Variants in DCBLD1 observed in about 807,000 individuals in gnomAD.
DCBLD1 encodes discoidin, CUB and LCCL domain-containing protein 1.
DCBLD1 carries 57 observed loss-of-function variants against 71.5 expected under a neutral mutation model. That is an observed-to-expected ratio of 0.80 (90% confidence interval 0.64 to 0.99). The LOEUF (loss-of-function observed/expected upper bound fraction) is 0.99. Among genes scored for constraint, DCBLD1 ranks in the 50% least tolerant of loss-of-function variants. DCBLD1 has a pLI of 0.00. For missense variants in DCBLD1, 891 were observed against 923.5 expected (o/e 0.96, Z 0.46); for synonymous variants, 380 against 363.8 (o/e 1.04, Z -0.51).
intron 1 of DCBLD1, among the ~76,000 whole-genome samples, chr6:117,484,607 C>T (rs1777020682): frequency 6.6e-6 from 1 of 152,150 alleles, no homozygotes; most frequent in South Asian, 2.1e-4. Flanking sequence ...CCCCGGCCTC[C>T]CAAGGTGCTG....
intron 11 of DCBLD1, among the ~76,000 whole-genome samples, chr6:117,541,501 C>G (rs945947877): frequency 1.3e-5 from 2 of 151,858 alleles, no homozygotes; most frequent in African/African-American, 4.8e-5. Flanking sequence ...CATAATGCGG[C>G]TTTCTGTGAA....
chr6:117,492,163 A>G (rs1041968948), intron 1 of DCBLD1, among the ~76,000 whole-genome samples: 15 of 152,248 alleles, frequency 9.9e-5, no homozygotes, highest in African/African-American at 3.4e-4. Context: ...TTCCCTGTCA[A>G]CAATTCACTG....
chr6:117,510,955 A>G (rs1187773385), intron 2 of DCBLD1, among the ~76,000 whole-genome samples: 1 of 152,188 alleles, frequency 6.6e-6, no homozygotes, highest in Admixed American at 6.5e-5. Context: ...GCCCTGTGAG[A>G]TAGGTCCTGT....
chr6:117,551,548 T>C (rs1779428281), downstream of DCBLD1, among the ~76,000 whole-genome samples: 1 of 151,930 alleles, frequency 6.6e-6, no homozygotes, highest in Non-Finnish European at 1.5e-5. Context: ...CCCAGCTAAT[T>C]TTTTGTATTT....
At chr6:117,532,101 G>A (rs210650) in intron 5 of DCBLD1, among the ~76,000 whole-genome samples, 159 bp from the exon 6 acceptor site, 2 of 152,226 alleles carry the variant, frequency 1.3e-5, no homozygotes, top group African/African-American at 4.8e-5. Context: ...ACATGGTCCA[G>A]AGTCAGTGAG....
chr6:117,512,730 A>G (rs1019009839), intron 2 of DCBLD1, among the ~76,000 whole-genome samples: 4 of 152,140 alleles, frequency 2.6e-5, no homozygotes, highest in Admixed American at 1.3e-4. Context: ...ATAAGAAAGA[A>G]TTGTGTGCTT....
chr6:117,506,029 C>T (rs372777317), intron 2 of DCBLD1, among the ~76,000 whole-genome samples: 6 of 152,008 alleles, frequency 3.9e-5, no homozygotes, highest in African/African-American at 9.7e-5. Context: ...ATAAATTGAA[C>T]GTTTGTCTTT....
intron 12 of DCBLD1, 158 bp from the exon 13 acceptor site, chr6:117,544,370 A>T: frequency 1.9e-6 from 1 of 538,634 alleles, no homozygotes; most frequent in Non-Finnish European, 3.1e-6. Context: ...AATTCTACAT[A>T]TTTGTATGAT....
chr6:117,482,899 T>G lies in DCBLD1; in HGVS notation c.112+6T>G. The G allele has an allele frequency of 1.7e-6, 2 of 1,192,388 alleles. No homozygotes were observed. Among genetic ancestry groups the G allele is most frequent in the Non-Finnish European group, 2.1e-6 (2 of 960,534 alleles). The allele number at this position is 1,192,388 out of a possible 1,614,324, so 73.9% of individuals were successfully genotyped here. A position where few individuals can be genotyped will look rare whatever the true frequency, so the allele number is the denominator to read the frequency against. On this transcript the variant is annotated splice_donor_region_variant and intron_variant, in intron 1 of 14. Transcript: ENST00000338728. ...GCTGCAGGCGGAGGAGCTGGGTGAG[T>G]GGAGCGCGTCCGGCTGGCGGCGGGA...
chr6:117,527,804 A>G (rs934505372), intron 5 of DCBLD1, among the ~76,000 whole-genome samples: 1 of 151,734 alleles, frequency 6.6e-6, no homozygotes, highest in Non-Finnish European at 1.5e-5. Flanking sequence ...TGAGGGGGGA[A>G]CTTTAAAGTC....
At position 117,563,273 on chromosome 6, in the gene DCBLD1, T is replaced by C. The variant is rs1164712135; in HGVS notation, c.1616-6347T>C. 2 of 1,613,278 alleles carry C rather than the reference T, an allele frequency of 1.2e-6. No homozygotes were observed. The highest frequency in any genetic ancestry group is 8.5e-7 in the Non-Finnish European group (1 of 1,179,334). ...GTCAATTTAATAAGATTTTTTATGA[T>C]ACAGAGTGTGCAGATCATCTAATTT... On this transcript the variant is annotated intron_variant, in intron 14 of 14. Transcript: ENST00000296955.
chr6:117,521,781 T>G (rs1022508512), intron 4 of DCBLD1, among the ~76,000 whole-genome samples: 2 of 152,226 alleles, frequency 1.3e-5, no homozygotes, highest in Non-Finnish European at 2.9e-5. Flanking sequence ...ATTTCAGGTT[T>G]TCCAGGCCAT....
At chr6:117,512,871 T>C (rs2114462096) in intron 2 of DCBLD1, among the ~76,000 whole-genome samples, 1 of 152,216 alleles carries the variant, frequency 6.6e-6, no homozygotes, top group East Asian at 1.9e-4. Flanking sequence ...ACTGACAGTA[T>C]GGTAGTTAAA....
At chr6:117,483,523 T>C (rs1383964422) in intron 1 of DCBLD1, among the ~76,000 whole-genome samples, 1 of 152,176 alleles carries the variant, frequency 6.6e-6, no homozygotes, top group Non-Finnish European at 1.5e-5. Context: ...GCTTCCTGTG[T>C]ATTTGAGCCG....
intron 14 of DCBLD1, chr6:117,569,444 A>C: frequency 7.9e-7 from 1 of 1,263,758 alleles, no homozygotes. Flanking sequence ...AAAAGCATTA[A>C]ATCAAAGGAA....
At chr6:117,510,433 C>A (rs747456984) in intron 2 of DCBLD1, among the ~76,000 whole-genome samples, 5 of 152,008 alleles carry the variant, frequency 3.3e-5, no homozygotes, top group Non-Finnish European at 7.4e-5. Flanking sequence ...ACCCTAGAAC[C>A]TTCTCTGATG....
intron 1 of DCBLD1, among the ~76,000 whole-genome samples, chr6:117,488,150 G>A (rs1478034612): frequency 6.6e-6 from 1 of 152,180 alleles, no homozygotes; most frequent in East Asian, 1.9e-4. Context: ...ATGAATCTCA[G>A]CCTCTTCTTT....
chr6:117,547,684 G>C (rs768746759), intron 14 of DCBLD1: 8 of 919,870 alleles, frequency 8.7e-6, no homozygotes, highest in Non-Finnish European at 1.4e-5. Context: ...CCCCATCTCT[G>C]AGAAGACCCT....
At chr6:117,550,555 C>T (rs1220726762), downstream of DCBLD1, among the ~76,000 whole-genome samples, 1 of 152,126 alleles carries the variant, frequency 6.6e-6, no homozygotes, top group Non-Finnish European at 1.5e-5. Context: ...TACACAGGCT[C>T]CTGAAGCTTT....
Sources: gnomAD v4.1 joint callset for allele counts (sites outside exome capture counted in the v4.1 genomes callset) on GRCh38, gnomAD v4.1.1 for gene constraint, MANE v1.5 for transcripts, NCBI Gene and HGNC (gene_info 2026-07-23, HGNC 2026-07-21) for gene names.